The following ATAD1 variants were observed in gnomAD, a reference collection of about 807,000 sequenced individuals.
ATAD1 encodes ATPase family AAA domain containing 1, also known as outer mitochondrial transmembrane helix translocase.
Under a neutral mutation model 42.7 loss-of-function variants are expected in ATAD1, and 18 were observed. The ratio of observed to expected loss-of-function variants is 0.42; its 90% confidence interval spans 0.29 to 0.63. The LOEUF (loss-of-function observed/expected upper bound fraction) is 0.63. Ranked by LOEUF, ATAD1 falls within the 20% of genes least tolerant of loss-of-function variation. The pLI is 0.19. For missense variants in ATAD1, 294 were observed against 440.4 expected, an observed-to-expected ratio of 0.67 and a Z score of 2.98; for synonymous variants, 132 against 143.1, an observed-to-expected ratio of 0.92 and a Z score of 0.55.
intron 6 of ATAD1, among the ~76,000 whole-genome samples, chr10:87,772,218 T>C (rs1400388571): frequency 2.0e-5 from 3 of 148,764 alleles, no homozygotes; most frequent in African/African-American, 7.4e-5. Flanking sequence ...TCTTTCTTTC[T>C]TTTTTTTTTT....
rs547075386 is a variant in ATAD1 at position 87,790,390 on chromosome 10, G to A, written c.302C>T (p.Thr101Met). The A allele has an allele frequency of 2.4e-5, 39 of 1,612,158 alleles. No homozygotes were observed. The East Asian group carries it at 4.5e-4, about 18-fold the overall frequency. The change falls in exon 4 of 10, where the codon ACG becomes ATG. Residue 101 changes from threonine (T) to methionine (M), a missense_variant. Transcript: ENST00000680024. ...TAAGATGACTGTGTCTTTCAGATCC[G>A]TAATGACATCATCTAAACCTGCTAT... ...SDIAGLDDVI[T>M]DLKDTVILPI...
chr10:87,768,620 T>C lies in ATAD1; in HGVS notation c.781-897A>G, dbSNP rs1413580133. On this transcript the variant is annotated intron_variant, in intron 7 of 9. Transcript: ENST00000680024. Reference sequence around the variant, plus strand: ...GCGTATTCACTAAAATGGAATAAAATGGAGGTTACAAATTTCCATTTCTAT... The same window carrying C: ...GCGTATTCACTAAAATGGAATAAAACGGAGGTTACAAATTTCCATTTCTAT... Among the ~76,000 whole-genome samples, 2 of 152,210 alleles carry C rather than the reference T, an allele frequency of 1.3e-5. 1 individual carries two copies. The highest frequency in any genetic ancestry group is 1.3e-4 in the Admixed American group (2 of 15,272).
chr10:87,838,461 C>CAA (rs770282016), intron 1 of ATAD1, among the ~76,000 whole-genome samples: 483 of 42,622 alleles, frequency 0.011, 64 homozygotes, highest in Admixed American at 0.047. Flanking sequence ...GACTCTATCT[C>CAA]AAAAAAAAAA....
intron 1 of ATAD1, 141 bp from the exon 2 acceptor site, chr10:87,814,753 A>G (rs1191674132): frequency 3.4e-6 from 2 of 586,490 alleles, no homozygotes; most frequent in Non-Finnish European, 5.0e-6. Context: ...AAAGTGTTTC[A>G]TTTTAAGGAG....
At chr10:87,803,040 C>T (rs1351073059) in intron 2 of ATAD1, among the ~76,000 whole-genome samples, 5 of 152,186 alleles carry the variant, frequency 3.3e-5, no homozygotes, top group African/African-American at 1.2e-4. Flanking sequence ...AGAACAGCAA[C>T]TTAGTTACAT....
chr10:87,769,186 A>G (rs1854912282), intron 7 of ATAD1, among the ~76,000 whole-genome samples: 1 of 152,224 alleles, frequency 6.6e-6, no homozygotes, highest in Non-Finnish European at 1.5e-5. Context: ...AATTTTTAAA[A>G]AAGTGTTCTG....
intron 2 of ATAD1, among the ~76,000 whole-genome samples, chr10:87,799,680 T>C (rs986705220): frequency 1.4e-4 from 22 of 152,154 alleles, no homozygotes; most frequent in African/African-American, 5.3e-4. Context: ...TTAAAATAAT[T>C]AGGTAAATGC....
intron 1 of ATAD1, among the ~76,000 whole-genome samples, chr10:87,834,172 T>C (rs1286847475): frequency 6.6e-6 from 1 of 152,232 alleles, no homozygotes; most frequent in Non-Finnish European, 1.5e-5. Flanking sequence ...AATATTTTTA[T>C]ATACTGATGG....
chr10:87,819,288 A>AAAAAAC (rs1481326025), upstream of ATAD1: 1 of 150,662 alleles, frequency 6.6e-6, no homozygotes, highest in African/African-American at 2.5e-5. Context: ...AAAAAAAAAA[A>AAAAAAC]AAACCACCTA....
chr10:87,795,480 A>G (rs373681617), intron 2 of ATAD1, among the ~76,000 whole-genome samples: 128 of 92,758 alleles, frequency 1.4e-3, no homozygotes, highest in African/African-American at 5.5e-3. Context: ...TTTTTTTTTT[A>G]AAGTAGGTCT....
At chr10:87,792,502 A>C (rs962160541) in intron 3 of ATAD1, among the ~76,000 whole-genome samples, 155 bp downstream of exon 3, 4 of 152,142 alleles carry the variant, frequency 2.6e-5, no homozygotes, top group African/African-American at 9.7e-5. Context: ...TTTCAGTGTA[A>C]TAAATCATAT....
intron 5 of ATAD1, among the ~76,000 whole-genome samples, chr10:87,781,791 C>T (rs984498414): frequency 4.6e-5 from 7 of 151,924 alleles, no homozygotes; most frequent in Non-Finnish European, 8.8e-5. Flanking sequence ...TAGAGGCATG[C>T]GTTACCACAC....
chr10:87,756,890 G>C lies in ATAD1; in HGVS notation c.864C>G (p.Ala288=), dbSNP rs752069934. 6.2e-7 allele frequency: 1 copy of C among 1,610,890 alleles called. No individual in the cohort carries two copies. Among genetic ancestry groups the C allele is most frequent in the East Asian group, 2.2e-5 (1 of 44,708 alleles). The part of the protein sequence containing the change: ...VDRHVDLLEV[A]QETDGFSGSD... ...TTCCTGAAAACCCATCAGTTTCCTGGGCAACTTCTAGCAGGTCTACATGCC... is the reference window on the plus strand; with the variant it reads ...TTCCTGAAAACCCATCAGTTTCCTGCGCAACTTCTAGCAGGTCTACATGCC... The change falls in exon 9 of 10, where the codon GCC becomes GCG. Residue 288 remains alanine (A), a synonymous_variant. Transcript: ENST00000680024.
chr10:87,794,682 C>T (rs866766068), intron 2 of ATAD1, among the ~76,000 whole-genome samples: 7 of 152,168 alleles, frequency 4.6e-5, no homozygotes, highest in African/African-American at 1.4e-4. Flanking sequence ...GTCAACAATG[C>T]CTGATATGAG....
rs1225761951 is a variant in ATAD1 at position 87,753,706 on chromosome 10, C to G, written c.*981G>C. 6.6e-6 allele frequency: 1 copy of G among 152,494 alleles called. No homozygotes were observed. Among genetic ancestry groups the G allele is most frequent in the Non-Finnish European group, 1.5e-5 (1 of 67,986 alleles). The allele number at this position is 152,494 out of a possible 1,614,324, so 9.4% of individuals were successfully genotyped here. A position where few individuals can be genotyped will look rare whatever the true frequency, so the allele number is the denominator to read the frequency against. ...CTTAGTAACAGCTACTTGTTTTAAA[C>G]TATTATTTCATTTTTGGTGACCAAA... On this transcript the variant is annotated 3_prime_UTR_variant, in exon 10 of 10. Transcript: ENST00000680024.
At chr10:87,796,955 T>C (rs949884754) in intron 2 of ATAD1, among the ~76,000 whole-genome samples, 1 of 152,202 alleles carries the variant, frequency 6.6e-6, no homozygotes, top group African/African-American at 2.4e-5. Flanking sequence ...CCTGCTTACA[T>C]AGCGATGGAC....
intron 2 of ATAD1, among the ~76,000 whole-genome samples, chr10:87,809,464 CAGAGGTAAA>C (rs530689082): frequency 6.6e-6 from 1 of 151,014 alleles, no homozygotes; most frequent in African/African-American, 2.4e-5. Context: ...CTCAGGTTGG[CAGAGGTAAA>C]AGAGGTGAAG....
intron 2 of ATAD1, among the ~76,000 whole-genome samples, chr10:87,808,656 C>A (rs1274561344): frequency 6.6e-6 from 1 of 152,136 alleles, no homozygotes; most frequent in Non-Finnish European, 1.5e-5. Context: ...GCCTTTTCTG[C>A]ATTTATTGGG....
At chr10:87,788,930 T>C (rs1462696703) in intron 4 of ATAD1, among the ~76,000 whole-genome samples, 2 of 152,170 alleles carry the variant, frequency 1.3e-5, no homozygotes, top group African/African-American at 2.4e-5. Flanking sequence ...TAGGAAAAAC[T>C]ATAAGCAGTG....
Sources: gnomAD v4.1 joint callset for allele counts (sites outside exome capture counted in the v4.1 genomes callset) on GRCh38, gnomAD v4.1.1 for gene constraint, MANE v1.5 for transcripts, NCBI Gene and HGNC (gene_info 2026-07-23, HGNC 2026-07-21) for gene names.